The following NKAIN3 variants were observed in gnomAD, a reference collection of about 807,000 sequenced individuals.
NKAIN3 encodes the protein sodium/potassium transporting ATPase interacting 3.
A neutral mutation model predicts 30.2 loss-of-function variants in NKAIN3; 25 were observed. That is an observed-to-expected ratio of 0.83 (90% confidence interval 0.60 to 1.16). The LOEUF (loss-of-function observed/expected upper bound fraction) is 1.16. Ranked by LOEUF, NKAIN3 falls within the 50% of genes most tolerant of loss-of-function variation. NKAIN3 has a pLI of 0.00. For synonymous variants in NKAIN3, 91 were observed against 89.6 expected, an observed-to-expected ratio of 1.02 and a Z score of -0.09; for missense variants, 225 against 254.1, an observed-to-expected ratio of 0.89 and a Z score of 0.78.
At chr8:62,756,954 A>G (rs978893340) in intron 4 of NKAIN3, among the ~76,000 whole-genome samples, 5 of 152,198 alleles carry the variant, frequency 3.3e-5, no homozygotes, top group Admixed American at 1.3e-4. Context: ...ACTAGTTTCA[A>G]ATAATCTCCA....
chr8:62,628,524 A>G (rs1408882272), intron 3 of NKAIN3, among the ~76,000 whole-genome samples: 3 of 152,112 alleles, frequency 2.0e-5, no homozygotes. Context: ...TCTTGACTGT[A>G]TAATGTTACT....
chr8:62,446,426 G>A (rs977324703), intron 1 of NKAIN3, among the ~76,000 whole-genome samples: 31 of 151,964 alleles, frequency 2.0e-4, no homozygotes, highest in African/African-American at 3.6e-4. Context: ...TGTAATGAGC[G>A]CCATTTTTAA....
intron 3 of NKAIN3, among the ~76,000 whole-genome samples, chr8:62,632,547 G>C (rs908987203): frequency 6.6e-6 from 1 of 152,076 alleles, no homozygotes; most frequent in African/African-American, 2.4e-5. Flanking sequence ...CTGTCACTCA[G>C]GCTGGAGTGC....
At chr8:62,869,716 C>A (rs1165433335) in intron 4 of NKAIN3, among the ~76,000 whole-genome samples, 1 of 152,136 alleles carries the variant, frequency 6.6e-6, no homozygotes, top group African/African-American at 2.4e-5. Flanking sequence ...TGGCCTCAGA[C>A]TGAGGGCGGC....
chr8:62,440,748 T>G (rs570847014), intron 1 of NKAIN3, among the ~76,000 whole-genome samples: 3 of 151,906 alleles, frequency 2.0e-5, no homozygotes, highest in Non-Finnish European at 4.4e-5. Flanking sequence ...GAAATACAGA[T>G]GTCAATGAAA....
At chr8:62,581,504 G>A (rs549890831) in intron 2 of NKAIN3, among the ~76,000 whole-genome samples, 3 of 152,234 alleles carry the variant, frequency 2.0e-5, no homozygotes, top group Admixed American at 6.5e-5. Context: ...TCACATAACT[G>A]CTGCCTTTGT....
intron 4 of NKAIN3, among the ~76,000 whole-genome samples, chr8:62,832,258 G>GACACACACAC (rs57632946): frequency 1.9e-4 from 25 of 132,684 alleles, no homozygotes; most frequent in African/African-American, 7.0e-4. Flanking sequence ...TGACCAAACA[G>GACACACACAC]ACACACACAC....
chr8:62,350,346 T>G (rs1816141528), intron 1 of NKAIN3, among the ~76,000 whole-genome samples: 1 of 152,150 alleles, frequency 6.6e-6, no homozygotes, highest in Non-Finnish European at 1.5e-5. Context: ...AACATTATAC[T>G]AAATGAAATA....
chr8:62,604,759 A>C (rs750467583), intron 3 of NKAIN3, among the ~76,000 whole-genome samples: 3 of 152,200 alleles, frequency 2.0e-5, no homozygotes, highest in Non-Finnish European at 4.4e-5. Context: ...AAAAGAAAGA[A>C]TATCCATTTG....
chr8:62,727,301 G>A lies in NKAIN3; in HGVS notation c.274-19631G>A, dbSNP rs187471199. On this transcript the variant is annotated intron_variant, in intron 3 of 6. Coordinates refer to ENST00000623646, the MANE Select transcript of NKAIN3 (RefSeq NM_001304533.3). ...CTAAGATCAGGAACAAGGCAAGAAC[G>A]TCCCAGCTCACCACTCTTTTTTACC... Among the ~76,000 whole-genome samples, 385 of 152,190 alleles carry A rather than the reference G, an allele frequency of 2.5e-3. 2 individuals carry two copies. Among genetic ancestry groups the A allele is most frequent in the Non-Finnish European group, 3.8e-3 (256 of 67,972 alleles).
At chr8:62,814,534 T>G (rs1818612397) in intron 4 of NKAIN3, among the ~76,000 whole-genome samples, 1 of 151,998 alleles carries the variant, frequency 6.6e-6, no homozygotes, top group African/African-American at 2.4e-5. Flanking sequence ...AAACTGTCTC[T>G]CAGACCACAG....
chr8:62,585,636 G>A (rs28502760), intron 2 of NKAIN3, among the ~76,000 whole-genome samples: 5,644 of 152,184 alleles, frequency 0.037, 296 homozygotes, highest in African/African-American at 0.12. Flanking sequence ...TTCACAATAG[G>A]GCTTGTGTTC....
chr8:62,869,792 G>T lies in NKAIN3; in HGVS notation c.472-48661G>T, dbSNP rs368350085. Among the ~76,000 whole-genome samples, 385 of 152,088 alleles carry T rather than the reference G, an allele frequency of 2.5e-3. 3 individuals are homozygous for T. Among genetic ancestry groups the T allele is most frequent in the African/African-American group, 8.9e-3 (370 of 41,516 alleles). ...TTGTTTTTGTTTTTGTTTTGAGACA[G>T]AGTCTAGCTCTGTTGCCCAGGCTGG... On this transcript the variant is annotated intron_variant, in intron 4 of 6. Coordinates refer to ENST00000623646, the MANE Select transcript of NKAIN3 (RefSeq NM_001304533.3).
intron 3 of NKAIN3, among the ~76,000 whole-genome samples, chr8:62,726,155 T>C (rs1815250332): frequency 6.6e-6 from 1 of 152,162 alleles, no homozygotes; most frequent in African/African-American, 2.4e-5. Context: ...TGTTGGCATA[T>C]AGAAATGCTA....
intron 1 of NKAIN3, among the ~76,000 whole-genome samples, chr8:62,486,532 A>T (rs1343975341): frequency 6.6e-6 from 1 of 152,122 alleles, no homozygotes; most frequent in Non-Finnish European, 1.5e-5. Context: ...TGTAAGTTTT[A>T]TGTCTGGTGT....
intron 3 of NKAIN3, among the ~76,000 whole-genome samples, chr8:62,638,314 C>A (rs1586036802): frequency 6.6e-6 from 1 of 152,106 alleles, no homozygotes. Context: ...TCTTATTAAT[C>A]CTCAACCTCA....
intron 1 of NKAIN3, among the ~76,000 whole-genome samples, chr8:62,426,255 G>A (rs2129597168): frequency 6.6e-6 from 1 of 152,026 alleles, no homozygotes; most frequent in South Asian, 2.1e-4. Context: ...AGGATAAGAG[G>A]AATGCATGAA....
intron 4 of NKAIN3, among the ~76,000 whole-genome samples, chr8:62,872,399 A>C (rs183507625): frequency 6.6e-6 from 1 of 152,272 alleles, no homozygotes; most frequent in Admixed American, 6.5e-5. Context: ...AGTATTCTAA[A>C]CCTCTGAGAG....
At chr8:62,810,488 A>C (rs1818452397) in intron 4 of NKAIN3, among the ~76,000 whole-genome samples, 1 of 152,146 alleles carries the variant, frequency 6.6e-6, no homozygotes, top group Admixed American at 6.6e-5. Flanking sequence ...CATGGGCTTC[A>C]GTTTTTTCAT....
Sources: allele counts gnomAD v4.1 joint callset (sites outside exome capture counted in the v4.1 genomes callset), GRCh38; gene constraint gnomAD v4.1.1; transcripts MANE v1.5; gene names NCBI Gene and HGNC (gene_info 2026-07-23, HGNC 2026-07-21).